Variants in ATL1 observed in about 807,000 individuals in gnomAD.
ATL1 encodes the protein atlastin-1.
A neutral mutation model predicts 75.5 loss-of-function variants in ATL1; 31 were observed. The ratio of observed to expected loss-of-function variants is 0.41; its 90% CI spans 0.31 to 0.55. The LOEUF is 0.55. Among genes scored for constraint, ATL1 ranks in the 20% least tolerant of loss-of-function variants. The pLI is 0.27. For missense variants in ATL1, 405 were observed against 662.6 expected, an observed-to-expected ratio of 0.61 and a Z score of 4.27; for synonymous variants, 226 against 233.3, an observed-to-expected ratio of 0.97 and a Z score of 0.28.
chr14:50,612,491 T>G (rs2039375517), intron 6 of ATL1, among the ~76,000 whole-genome samples: 1 of 152,210 alleles, frequency 6.6e-6, no homozygotes, highest in African/African-American at 2.4e-5. Flanking sequence ...AGTGAATTTA[T>G]TAGAACTTCT....
At chr14:50,560,369 A>G in intron 1 of ATL1, 70 bp downstream of exon 1, 1 of 1,579,508 alleles carries the variant, frequency 6.3e-7, no homozygotes. Flanking sequence ...GCTTCTGTGG[A>G]GACAGGGAGG....
intron 1 of ATL1, among the ~76,000 whole-genome samples, chr14:50,584,703 T>G (rs1044929614): frequency 6.6e-6 from 1 of 151,502 alleles, no homozygotes; most frequent in African/African-American, 2.4e-5. Flanking sequence ...AACGAGACTC[T>G]GTCTCAAAAA....
At chr14:50,563,767 C>T (rs1446945252) in intron 1 of ATL1, among the ~76,000 whole-genome samples, 3 of 152,230 alleles carry the variant, frequency 2.0e-5, no homozygotes, top group East Asian at 1.9e-4. Context: ...AACTGGGAAG[C>T]GAGTCTGAGT....
chr14:50,534,998 C>G (rs2038474602), intron 1 of ATL1, among the ~76,000 whole-genome samples: 1 of 152,152 alleles, frequency 6.6e-6, no homozygotes, highest in South Asian at 2.1e-4. Context: ...GAGTTTCTTA[C>G]AAACCACCCA....
intron 1 of ATL1, among the ~76,000 whole-genome samples, chr14:50,539,207 T>G (rs555313032): frequency 8.5e-5 from 13 of 152,324 alleles, no homozygotes; most frequent in African/African-American, 3.1e-4. Context: ...GGCATCACAA[T>G]TACTCAAACT....
intron 11 of ATL1, among the ~76,000 whole-genome samples, chr14:50,623,643 G>T (rs2039489548): frequency 6.6e-6 from 1 of 151,370 alleles, no homozygotes; most frequent in African/African-American, 2.4e-5. Context: ...AAAACCCTAA[G>T]GGCCATTATT....
At chr14:50,564,718 G>A (rs1595583105) in intron 1 of ATL1, among the ~76,000 whole-genome samples, 2 of 139,470 alleles carry the variant, frequency 1.4e-5, no homozygotes, top group South Asian at 4.6e-4. Context: ...TCGCAGCAAA[G>A]TATCAGCTTT....
At chr14:50,592,946 A>ATG (rs35964654) in intron 4 of ATL1, among the ~76,000 whole-genome samples, 23,139 of 130,944 alleles carry the variant, frequency 0.18, 2,576 homozygotes, top group Non-Finnish European at 0.25. Flanking sequence ...ATATATATAT[A>ATG]TGTGTGTGTG....
chr14:50,597,031 G>A (rs2039224580), intron 6 of ATL1, among the ~76,000 whole-genome samples: 1 of 151,900 alleles, frequency 6.6e-6, no homozygotes, highest in Non-Finnish European at 1.5e-5. Context: ...CCAATATGGT[G>A]AAACCCCGTC....
At chr14:50,626,192 T>TTC (rs1478898741) in intron 11 of ATL1, among the ~76,000 whole-genome samples, 1 of 152,218 alleles carries the variant, frequency 6.6e-6, no homozygotes, top group East Asian at 1.9e-4. Flanking sequence ...AATTTTGACT[T>TTC]TCAAAAGTTA....
intron 4 of ATL1, 56 bp from the exon 5 acceptor site, chr14:50,593,790 A>G: frequency 8.8e-7 from 1 of 1,136,466 alleles, no homozygotes; most frequent in South Asian, 1.2e-5. Flanking sequence ...ATGATGAAGT[A>G]AGTGCTTAGG....
intron 4 of ATL1, among the ~76,000 whole-genome samples, chr14:50,593,169 G>A (rs1377433553): frequency 2.0e-5 from 3 of 151,656 alleles, no homozygotes; most frequent in Non-Finnish European, 4.4e-5. Context: ...TATTTGACCT[G>A]AATACATTGA....
intron 1 of ATL1, among the ~76,000 whole-genome samples, chr14:50,536,602 A>G (rs2038496403): frequency 6.6e-6 from 1 of 152,186 alleles, no homozygotes; most frequent in South Asian, 2.1e-4. Flanking sequence ...AACTTCCTAG[A>G]GGCTTGTTGA....
At chr14:50,621,604 T>C (rs909370240) in intron 9 of ATL1, among the ~76,000 whole-genome samples, 3 of 152,140 alleles carry the variant, frequency 2.0e-5, no homozygotes, top group Non-Finnish European at 4.4e-5. Flanking sequence ...GGGAGTGGCA[T>C]TGAGTTGAGC....
At chr14:50,540,230 G>A (rs999011248) in intron 1 of ATL1, among the ~76,000 whole-genome samples, 1 of 152,188 alleles carries the variant, frequency 6.6e-6, no homozygotes. Flanking sequence ...AGGATAGGTG[G>A]TGCTATCCTA....
At chr14:50,555,709 A>C (rs1160829771), upstream of ATL1, among the ~76,000 whole-genome samples, 2 of 152,216 alleles carry the variant, frequency 1.3e-5, no homozygotes, top group Admixed American at 1.3e-4. Context: ...CCAAAGCTAT[A>C]TCCTAACTAA....
intron 8 of ATL1, among the ~76,000 whole-genome samples, chr14:50,620,384 A>G (rs1445781991): frequency 1.3e-5 from 2 of 152,210 alleles, no homozygotes; most frequent in Non-Finnish European, 2.9e-5. Flanking sequence ...TATAGGTGGA[A>G]GACAAGATAC....
chr14:50,627,482 T>A (rs1471720178), intron 11 of ATL1, among the ~76,000 whole-genome samples: 2 of 152,224 alleles, frequency 1.3e-5, no homozygotes, highest in African/African-American at 4.8e-5. Context: ...GAAAATGTTA[T>A]TCAAGAACAT....
intron 2 of ATL1, among the ~76,000 whole-genome samples, chr14:50,589,828 G>A (rs1042612798): frequency 2.0e-5 from 3 of 152,168 alleles, no homozygotes; most frequent in Non-Finnish European, 2.9e-5. Context: ...ATTAGTTTAT[G>A]TAGATTTTTT....
Sources: gnomAD v4.1 joint callset for allele counts (sites outside exome capture counted in the v4.1 genomes callset) on GRCh38, gnomAD v4.1.1 for gene constraint, MANE v1.5 for transcripts, NCBI Gene and HGNC (gene_info 2026-07-23, HGNC 2026-07-21) for gene names.